The following FMNL2 variants were observed in gnomAD, a reference collection of about 807,000 sequenced individuals.
FMNL2 encodes the protein formin like 2, also known as formin-like protein 2.
A neutral mutation model predicts 130.2 loss-of-function variants in FMNL2; 51 were observed. That is an observed-to-expected ratio of 0.39 (90% CI 0.31 to 0.49). The LOEUF is 0.49. FMNL2 is among the 20% of genes least tolerant of loss of function. The pLI, the probability that FMNL2 is intolerant of heterozygous loss-of-function variation, is 0.85. For missense variants in FMNL2, 977 were observed against 1,316.2 expected, an observed-to-expected ratio of 0.74 and a Z score of 3.99; for synonymous variants, 465 against 467.1, an observed-to-expected ratio of 1.00 and a Z score of 0.06.
At chr2:152,340,387 G>C (rs1018941957) in intron 1 of FMNL2, among the ~76,000 whole-genome samples, 3 of 152,200 alleles carry the variant, frequency 2.0e-5, no homozygotes, top group Non-Finnish European at 4.4e-5. Context: ...GCAAATTTCA[G>C]ACTGGATAAA....
At chr2:152,647,608 TTTG>T (rs1683701496) in intron 25 of FMNL2, among the ~76,000 whole-genome samples, 185 bp from the exon 26 acceptor site, 1 of 152,206 alleles carries the variant, frequency 6.6e-6, no homozygotes, top group African/African-American at 2.4e-5. Context: ...TACATCCTGT[TTTG>T]TTTGATTGTA....
chr2:152,335,872 C>T lies in FMNL2; in HGVS notation c.117+152C>T, dbSNP rs535689373. ...CTTTCCCCTTTGTGGCCCCCCAGCA[C>T]TCCTCTTCACCCCCCTGGCAGTCCC... On this transcript the variant is annotated intron_variant, in intron 1 of 25. Coordinates refer to ENST00000288670, the MANE Select transcript of FMNL2 (RefSeq NM_052905.4). Among the ~76,000 whole-genome samples, 5 of 151,684 alleles carry T rather than the reference C, an allele frequency of 3.3e-5. No homozygotes were observed. In the East Asian group the frequency reaches 1.0e-3, roughly 30 times the overall value.
intron 2 of FMNL2, among the ~76,000 whole-genome samples, chr2:152,535,970 G>A (rs1275217037): frequency 6.6e-6 from 1 of 152,254 alleles, no homozygotes; most frequent in African/African-American, 2.4e-5. Context: ...GGGAAACAAT[G>A]AGCATGCATT....
In FMNL2 at chr2:152,506,526, A is replaced by AT. The variant is rs552600176; in HGVS notation, c.118-15409dup. Among the ~76,000 whole-genome samples, 804 of 152,036 alleles carry AT rather than the reference A, an allele frequency of 5.3e-3. 4 individuals carry two copies. The highest frequency in any genetic ancestry group is 8.8e-3 in the Non-Finnish European group (600 of 67,974). On this transcript the variant is annotated intron_variant, in intron 1 of 25. Transcript: ENST00000288670. The stretch of plus-strand genomic sequence containing the variant: ...GTCTGTACATGTTCAGTACAGATGC[A>AT]TTTTTTTTCAAATATTTTTGATCCA...
intron 3 of FMNL2, among the ~76,000 whole-genome samples, chr2:152,546,827 A>G (rs1183604984): frequency 6.6e-6 from 1 of 152,146 alleles, no homozygotes; most frequent in Non-Finnish European, 1.5e-5. Context: ...TATACACAGC[A>G]GACTGCCTGC....
chr2:152,481,957 G>C (rs1244109833), intron 1 of FMNL2, among the ~76,000 whole-genome samples: 1 of 152,146 alleles, frequency 6.6e-6, no homozygotes, highest in Non-Finnish European at 1.5e-5. Context: ...CACTGCCTCA[G>C]TCAACTTTAT....
intron 2 of FMNL2, among the ~76,000 whole-genome samples, chr2:152,533,129 G>T (rs1693799776): frequency 6.6e-6 from 1 of 152,080 alleles, no homozygotes; most frequent in African/African-American, 2.4e-5. Flanking sequence ...TGTTTCCTAA[G>T]AAATTTTTTG....
At chr2:152,420,493 G>C (rs1420848510) in intron 1 of FMNL2, among the ~76,000 whole-genome samples, 1 of 152,176 alleles carries the variant, frequency 6.6e-6, no homozygotes, top group Non-Finnish European at 1.5e-5. Context: ...GAAAGTACTG[G>C]CTTTAATAAG....
At chr2:152,416,094 GAT>G (rs1419117109) in intron 1 of FMNL2, among the ~76,000 whole-genome samples, 1 of 151,166 alleles carries the variant, frequency 6.6e-6, no homozygotes, top group Admixed American at 6.6e-5. Context: ...GGCTTTTCAG[GAT>G]TGCAAAACTA....
At chr2:152,543,729 C>CAAAA (rs71394490) in intron 3 of FMNL2, among the ~76,000 whole-genome samples, 17,597 of 61,212 alleles carry the variant, frequency 0.29, 3,211 homozygotes, top group Middle Eastern at 0.45. Context: ...ACCCCCCGAC[C>CAAAA]AAAAAAAAAA....
chr2:152,428,384 G>C (rs1222001888), intron 1 of FMNL2, among the ~76,000 whole-genome samples: 1 of 152,188 alleles, frequency 6.6e-6, no homozygotes, highest in Non-Finnish European at 1.5e-5. Context: ...AGGGGCAGCT[G>C]TAGTAAGCCA....
intron 1 of FMNL2, among the ~76,000 whole-genome samples, chr2:152,494,475 A>T (rs972621985): frequency 1.3e-5 from 2 of 152,168 alleles, no homozygotes; most frequent in African/African-American, 4.8e-5. Context: ...TTCAGAGCTG[A>T]TATGTGATTG....
chr2:152,363,097 G>A (rs899865406), intron 1 of FMNL2, among the ~76,000 whole-genome samples: 1 of 152,202 alleles, frequency 6.6e-6, no homozygotes, highest in African/African-American at 2.4e-5. Flanking sequence ...CGATGAAAAT[G>A]TTCTAAAATT....
intron 1 of FMNL2, among the ~76,000 whole-genome samples, chr2:152,470,433 C>T (rs1000113358): frequency 5.9e-5 from 9 of 152,126 alleles, no homozygotes; most frequent in African/African-American, 1.9e-4. Flanking sequence ...TTGCTGTCTA[C>T]GATTTGTCAA....
intron 1 of FMNL2, among the ~76,000 whole-genome samples, chr2:152,514,243 T>C (rs1254353118): frequency 2.0e-5 from 3 of 152,154 alleles, no homozygotes; most frequent in African/African-American, 7.2e-5. Context: ...TTTACCTCAT[T>C]TGATTTGAAG....
At position 152,496,041 on chromosome 2, in the gene FMNL2, C is replaced by CTA. The variant is rs1419045982; in HGVS notation, c.118-25897_118-25896dup. Among the ~76,000 whole-genome samples, 6 of 152,014 alleles carry CTA rather than the reference C, an allele frequency of 3.9e-5. No homozygotes were observed. In the South Asian group the frequency reaches 1.2e-3, roughly 31 times the overall value. The stretch of plus-strand genomic sequence containing the variant: ...AAACTAGTACAAGGAGTACTAGTTG[C>CTA]TATATAATCTTTCTTACTTTCCCCA... On this transcript the variant is annotated intron_variant, in intron 1 of 25. Transcript: ENST00000288670.
chr2:152,417,270 T>C (rs1686667071), intron 1 of FMNL2, among the ~76,000 whole-genome samples: 1 of 152,128 alleles, frequency 6.6e-6, no homozygotes, highest in African/African-American at 2.4e-5. Context: ...TTGAGAGGTG[T>C]CTGTTGGAGG....
At chr2:152,487,029 G>A (rs997953636) in intron 1 of FMNL2, among the ~76,000 whole-genome samples, 3 of 152,134 alleles carry the variant, frequency 2.0e-5, no homozygotes, top group Admixed American at 2.0e-4. Flanking sequence ...GACAATATAT[G>A]GATCCCACAA....
At chr2:152,484,691 G>A (rs1690719387) in intron 1 of FMNL2, among the ~76,000 whole-genome samples, 1 of 151,846 alleles carries the variant, frequency 6.6e-6, no homozygotes, top group Non-Finnish European at 1.5e-5. Flanking sequence ...GAACCCAGGA[G>A]TTTGAGATTA....
Sources: allele counts gnomAD v4.1 joint callset (sites outside exome capture counted in the v4.1 genomes callset), GRCh38; gene constraint gnomAD v4.1.1; transcripts MANE v1.5; gene names NCBI Gene and HGNC (gene_info 2026-07-23, HGNC 2026-07-21).